SLC26A7: variants seen among roughly 807,000 people sequenced by gnomAD.
SLC26A7 encodes solute carrier family 26 member 7, also known as anion exchange transporter.
Under a neutral mutation model 82.5 loss-of-function variants are expected in SLC26A7, and 59 were observed. The observed-to-expected ratio is 0.72, with a 90% CI of 0.58 to 0.89. SLC26A7 has a LOEUF of 0.89. SLC26A7 is among the 40% of genes least tolerant of loss of function. SLC26A7 has a pLI of 0.00. For missense variants in SLC26A7, 820 were observed against 793.0 expected (o/e 1.03, Z -0.41); for synonymous variants, 271 against 274.3 (o/e 0.99, Z 0.12).
chr8:91,322,596 T>C (rs1199595777), intron 5 of SLC26A7, among the ~76,000 whole-genome samples: 1 of 152,178 alleles, frequency 6.6e-6, no homozygotes, highest in Non-Finnish European at 1.5e-5. Flanking sequence ...ACAATAAAAA[T>C]TACAAAAATT....
At chr8:91,343,491 A>T in intron 9 of SLC26A7, 25 bp downstream of exon 9, 2 of 1,549,266 alleles carry the variant, frequency 1.3e-6, no homozygotes, top group East Asian at 4.5e-5. Flanking sequence ...CCACAGGGAC[A>T]AAGCACTGCT....
At chr8:91,254,164 T>A (rs981392583) in intron 2 of SLC26A7, among the ~76,000 whole-genome samples, 1 of 152,066 alleles carries the variant, frequency 6.6e-6, no homozygotes, top group Non-Finnish European at 1.5e-5. Context: ...GTAACAAATA[T>A]GAATAGTTTA....
chr8:91,332,979 T>G (rs1299749701), intron 5 of SLC26A7, among the ~76,000 whole-genome samples: 1 of 152,198 alleles, frequency 6.6e-6, no homozygotes, highest in Non-Finnish European at 1.5e-5. Context: ...TATGTTAAAT[T>G]TCCAGACAAC....
intron 9 of SLC26A7, among the ~76,000 whole-genome samples, chr8:91,349,381 T>C (rs1415381856): frequency 6.6e-6 from 1 of 152,300 alleles, no homozygotes; most frequent in Non-Finnish European, 1.5e-5. Flanking sequence ...ACTGAAATTG[T>C]AATTCAATTG....
At chr8:91,315,679 A>T (rs1812609748) in intron 4 of SLC26A7, among the ~76,000 whole-genome samples, 1 of 152,214 alleles carries the variant, frequency 6.6e-6, no homozygotes, top group Non-Finnish European at 1.5e-5. Context: ...GTGGCTGCTA[A>T]ACTGCAAACA....
intron 2 of SLC26A7, among the ~76,000 whole-genome samples, chr8:91,235,694 T>C (rs1437253691): frequency 6.6e-6 from 1 of 152,230 alleles, no homozygotes; most frequent in Non-Finnish European, 1.5e-5. Context: ...TTAAAATATA[T>C]GTATTTCTCA....
At chr8:91,231,402 A>G (rs1383741939) in intron 2 of SLC26A7, among the ~76,000 whole-genome samples, 1 of 152,214 alleles carries the variant, frequency 6.6e-6, no homozygotes, top group Non-Finnish European at 1.5e-5. Flanking sequence ...GCAAAAATAC[A>G]GGGACATGTA....
chr8:91,337,477 G>C (rs1813274787), intron 6 of SLC26A7, among the ~76,000 whole-genome samples: 1 of 151,952 alleles, frequency 6.6e-6, no homozygotes, highest in African/African-American at 2.4e-5. Context: ...TGGTGAACTG[G>C]GCTCTGATAT....
Position 91,396,563 on chromosome 8 carries a change from G to A in SLC26A7, c.*1466G>A, listed in dbSNP as rs1808577977. 1 of 151,930 alleles carries A rather than the reference G, an allele frequency of 6.6e-6. No individual in the cohort carries two copies. The highest frequency in any genetic ancestry group is 2.4e-5 in the African/African-American group (1 of 41,412). The allele number at this position is 151,930 out of a possible 1,614,324, so 9.4% of individuals were successfully genotyped here. On this transcript the variant is annotated 3_prime_UTR_variant, in exon 19 of 19. Transcript: ENST00000276609. The stretch of plus-strand genomic sequence containing the variant: ...GGTAGGGCAATGTAGTAAAATGAAA[G>A]AGAATTAAGAAAGGTTTTGAATTCT...
At chr8:91,375,016 T>C (rs892476601) in intron 15 of SLC26A7, among the ~76,000 whole-genome samples, 2 of 152,072 alleles carry the variant, frequency 1.3e-5, no homozygotes, top group Admixed American at 6.6e-5. Flanking sequence ...TTTTTGCCAT[T>C]GTTGGTTTAA....
intron 15 of SLC26A7, among the ~76,000 whole-genome samples, chr8:91,374,994 T>G (rs1471107305): frequency 3.9e-5 from 6 of 152,112 alleles, no homozygotes; most frequent in Admixed American, 3.3e-4. Flanking sequence ...CTTCTTTGTC[T>G]TTCTTTCTTT....
At chr8:91,229,823 G>A (rs554288196) in intron 2 of SLC26A7, among the ~76,000 whole-genome samples, 1 of 152,236 alleles carries the variant, frequency 6.6e-6, no homozygotes, top group South Asian at 2.1e-4. Flanking sequence ...TGGTAAATAT[G>A]AATGTTAGCA....
chr8:91,271,079 G>C (rs1391059485), intron 2 of SLC26A7, among the ~76,000 whole-genome samples: 6 of 152,086 alleles, frequency 3.9e-5, no homozygotes, highest in Non-Finnish European at 7.4e-5. Context: ...CTTTATACTA[G>C]TAGCTTTACC....
chr8:91,264,514 C>T (rs1014375076), intron 2 of SLC26A7, among the ~76,000 whole-genome samples: 1 of 151,978 alleles, frequency 6.6e-6, no homozygotes, highest in Admixed American at 6.6e-5. Flanking sequence ...CAATCCACTC[C>T]TTATACCTGA....
At chr8:91,267,048 G>T (rs544299654) in intron 2 of SLC26A7, among the ~76,000 whole-genome samples, 3 of 151,796 alleles carry the variant, frequency 2.0e-5, no homozygotes, top group African/African-American at 4.8e-5. Context: ...TCTACTGGTT[G>T]GTGTATTCTC....
chr8:91,352,882 A>T lies in SLC26A7; in HGVS notation c.1219-19A>T. ...AAATTTTTATGTTGCTTCTTCTTCA[A>T]CTTACGTTTTATTTCTAGTGTGTCC... On this transcript the variant is annotated intron_variant, in intron 10 of 18. Transcript: ENST00000276609. 1 of 1,571,052 alleles carries T rather than the reference A, an allele frequency of 6.4e-7. No homozygotes were observed.
At chr8:91,335,916 T>A (rs1813227980) in intron 6 of SLC26A7, among the ~76,000 whole-genome samples, 1 of 152,136 alleles carries the variant, frequency 6.6e-6, no homozygotes, top group East Asian at 1.9e-4. Context: ...GCTCCCTCTC[T>A]TCACTTTCCA....
chr8:91,225,643 G>GTTTTTTT lies in SLC26A7; in HGVS notation c.-34+6664_-34+6670dup, dbSNP rs55732709. Among the ~76,000 whole-genome samples, 61 of 36,136 alleles carry GTTTTTTT rather than the reference G, an allele frequency of 1.7e-3. 5 individuals are homozygous for GTTTTTTT. Among genetic ancestry groups the GTTTTTTT allele is most frequent in the African/African-American group, 3.4e-3 (28 of 8,184 alleles). 23.7% of individuals were successfully genotyped at this position (36,136 alleles called of 152,430 possible). On this transcript the variant is annotated intron_variant, in intron 2 of 5. Transcript: ENST00000522862. ...TCTTGGCCCTGCCCCCTAGAAAAGT[G>GTTTTTTT]TTTTTTTTTTTTTTTTTTTTTTTTT...
intron 2 of SLC26A7, among the ~76,000 whole-genome samples, chr8:91,262,605 T>G (rs1460323424): frequency 6.6e-6 from 1 of 151,866 alleles, no homozygotes; most frequent in African/African-American, 2.4e-5. Flanking sequence ...AATATCAGGT[T>G]GGCCTCTTGG....
Sources: allele counts gnomAD v4.1 joint callset (sites outside exome capture counted in the v4.1 genomes callset), GRCh38; gene constraint gnomAD v4.1.1; transcripts MANE v1.5; gene names NCBI Gene and HGNC (gene_info 2026-07-23, HGNC 2026-07-21).